Variants in PTMS observed in about 807,000 individuals in gnomAD.
The protein encoded by PTMS is parathymosin.
In PTMS, 5 loss-of-function variants were observed where a neutral mutation model predicts 18.4. The observed-to-expected ratio is 0.27, with a 90% CI of 0.14 to 0.57. The LOEUF (loss-of-function observed/expected upper bound fraction) is 0.57, where lower values mean the gene tolerates loss of function less well. Ranked by LOEUF, PTMS falls within the 20% of genes least tolerant of loss-of-function variation. The probability of loss-of-function intolerance (pLI) is 0.92; values close to 1 mark genes in which losing one functional copy is unlikely to be tolerated. For missense variants in PTMS, 93 were observed against 124.6 expected, an observed-to-expected ratio of 0.75 and a Z score of 1.21; for synonymous variants, 53 against 47.7, an observed-to-expected ratio of 1.11 and a Z score of -0.46.
At position 6,766,770 on chromosome 12, in the gene PTMS, C is replaced by T; in HGVS notation, c.45+20C>T. 9.4e-6 allele frequency: 10 copies of T among 1,062,514 alleles called. No individual in the cohort carries two copies. The highest frequency in any genetic ancestry group is 5.5e-5 in the Admixed American group (1 of 18,298). The allele number at this position is 1,062,514 out of a possible 1,614,324, so 65.8% of individuals were successfully genotyped here. A position where few individuals can be genotyped will look rare whatever the true frequency, so the allele number is the denominator to read the frequency against. ...GCCAAGGTACGGGCGGGGGCGGCGG[C>T]GGCCCGGACCTCGCGCAGCCCTGGG... On this transcript the variant is annotated intron_variant, in intron 1 of 4. Coordinates refer to ENST00000309083, the MANE Select transcript of PTMS (RefSeq NM_002824.6).
rs1001644715 is a variant in PTMS, at chr12:6,769,798, T to C, written c.118-123T>C. The C allele has an allele frequency of 3.1e-6, 5 of 1,601,714 alleles. No individual in the cohort carries two copies. The African/African-American group carries it at 5.4e-5, about 17-fold the overall frequency. ...GCCGTTCCCCTGAGCCCTGTCACCC[T>C]TGCTGCCCCACCCTGTGGCCCATCC... On this transcript the variant is annotated intron_variant, in intron 2 of 4. Coordinates refer to ENST00000309083, the MANE Select transcript of PTMS (RefSeq NM_002824.6).
intron 1 of PTMS, chr12:6,769,243 G>A (rs929977439): frequency 7.1e-6 from 2 of 283,414 alleles, no homozygotes; most frequent in Non-Finnish European, 1.3e-5. Context: ...GGACACAGGA[G>A]GGGGCGGGGC....
At chr12:6,768,457 G>C (rs1303480343) in intron 1 of PTMS, among the ~76,000 whole-genome samples, 1 of 152,162 alleles carries the variant, frequency 6.6e-6, no homozygotes, top group Non-Finnish European at 1.5e-5. Context: ...GTGCCCCCCA[G>C]GGCAGCCGTT....
chr12:6,770,480 G>A lies in PTMS; in HGVS notation c.*38G>A. Reference sequence around the variant, plus strand: ...AGGCTGGGGTTGGGAGGCCTCTCTGGGCCTGGAGGTGGGGGTGGGGGCAGC... The same window carrying A: ...AGGCTGGGGTTGGGAGGCCTCTCTGAGCCTGGAGGTGGGGGTGGGGGCAGC... On this transcript the variant is annotated 3_prime_UTR_variant, in exon 5 of 5. Coordinates refer to ENST00000309083, the MANE Select transcript of PTMS (RefSeq NM_002824.6). This position sits in a 1 kb window ranked among gnomAD's most constrained non-coding sequence, Gnocchi z 7.3. 2 of 1,605,196 alleles carry A rather than the reference G, an allele frequency of 1.2e-6. No homozygotes were observed. The highest frequency in any genetic ancestry group is 1.7e-6 in the Non-Finnish European group (2 of 1,172,424).
intron 1 of PTMS, among the ~76,000 whole-genome samples, chr12:6,768,511 G>A (rs572767745): frequency 6.6e-6 from 1 of 152,216 alleles, no homozygotes; most frequent in South Asian, 2.1e-4. Context: ...TTCCAGAAAG[G>A]ACCCCCCCGC....
In PTMS at chr12:6,770,855, CG is replaced by C; in HGVS notation, c.*417del. The C allele has an allele frequency of 5.5e-6, 1 of 181,734 alleles. No individual in the cohort carries two copies. Among genetic ancestry groups the C allele is most frequent in the Non-Finnish European group, 1.2e-5 (1 of 85,580 alleles). 11.3% of individuals were successfully genotyped at this position (181,734 alleles called of 1,614,324 possible). ...CCCCTCTTCTCAGACAGCGCCAGGC[CG>C]GGGTGGGGCCGGGGTTGGGGCCGAG... On this transcript the variant is annotated 3_prime_UTR_variant, in exon 5 of 5. Coordinates refer to ENST00000309083, the MANE Select transcript of PTMS (RefSeq NM_002824.6). The surrounding 1 kb of genome is among the most constrained non-coding windows in gnomAD (Gnocchi z 7.3).
Position 6,770,095 on chromosome 12 carries a change from G to T in PTMS, c.197-62G>T. 1 of 1,611,260 alleles carries T rather than the reference G, an allele frequency of 6.2e-7. No individual in the cohort carries two copies. Among genetic ancestry groups the T allele is most frequent in the South Asian group, 1.1e-5 (1 of 90,630 alleles). On this transcript the variant is annotated intron_variant, in intron 3 of 4. Coordinates refer to ENST00000309083, the MANE Select transcript of PTMS (RefSeq NM_002824.6). This position sits in a 1 kb window ranked among gnomAD's most constrained non-coding sequence, Gnocchi z 7.3. ...GAAGACCTGAAGCAGGGCTGAGGGC[G>T]ACCACGGGGGCTCTGCCAGAGCTTC... is the stretch of plus-strand genomic sequence containing the variant.
In PTMS at chr12:6,770,400, G is replaced by A. The variant is rs772087702; in HGVS notation, c.267G>A (p.Ala89=). 7 of 1,613,562 alleles carry A rather than the reference G, an allele frequency of 4.3e-6. No individual in the cohort carries two copies. Among genetic ancestry groups the A allele is most frequent in the African/African-American group, 1.3e-5 (1 of 74,758 alleles). The change falls in exon 5 of 5, where the codon GCG becomes GCA. Residue 89 remains alanine, a synonymous_variant. Transcript: ENST00000309083. This position sits in a 1 kb window ranked among gnomAD's most constrained non-coding sequence, Gnocchi z 7.3. ...LKRAAEEEDE[A]DPKRQKTENG... ...TCTCTCCCTCTCCACAGGATGAAGC[G>A]GATCCCAAACGGCAGAAGACAGAAA... is the stretch of plus-strand genomic sequence containing the variant.
Position 6,766,600 on chromosome 12 carries a change from C to A in PTMS, c.-106C>A. 1 of 617,024 alleles carries A rather than the reference C, an allele frequency of 1.6e-6. No individual in the cohort carries two copies. Among genetic ancestry groups the A allele is most frequent in the Non-Finnish European group, 2.1e-6 (1 of 465,750 alleles). 38.2% of individuals were successfully genotyped at this position (617,024 alleles called of 1,614,324 possible). On this transcript the variant is annotated 5_prime_UTR_variant, in exon 1 of 5. Transcript: ENST00000309083. Reference sequence around the variant, plus strand: ...GCTGCCGCTGTCGCCGCCGCCGCCGCCACCGCGCCAGGTTCCGGCCGCGGC... The same window carrying A: ...GCTGCCGCTGTCGCCGCCGCCGCCGACACCGCGCCAGGTTCCGGCCGCGGC...
rs887555588 is a variant in PTMS at position 6,766,381 on chromosome 12, G to C, written c.-325G>C. 32 of 156,236 alleles carry C rather than the reference G, an allele frequency of 2.0e-4. No homozygotes were observed. Among genetic ancestry groups the C allele is most frequent in the Non-Finnish European group, 4.4e-4 (31 of 70,748 alleles). 9.7% of individuals were successfully genotyped at this position (156,236 alleles called of 1,614,324 possible). ...GGGCGGCAGCGGCTGGTCGGCGGCA[G>C]CTCTGCTGGTGCGGGGGCGGCGAGC... On this transcript the variant is annotated 5_prime_UTR_variant, in exon 1 of 5. Coordinates refer to ENST00000309083, the MANE Select transcript of PTMS (RefSeq NM_002824.6).
chr12:6,769,661 A>G lies in PTMS; in HGVS notation c.104A>G (p.Lys35Arg). The G allele has an allele frequency of 6.2e-7, 1 of 1,614,102 alleles. No individual in the cohort carries two copies. The highest frequency in any genetic ancestry group is 1.3e-5 in the African/African-American group (1 of 75,026). The change falls in exon 2 of 5, where the codon AAA (lysine) becomes AGA (arginine). Residue 35 changes from lysine to arginine, a missense_variant. Transcript: ENST00000309083. ...EEKASRKERK[K>R]EVVEEEENGA... ...AAGGCAAGCCGGAAAGAGCGAAAGA[A>G]AGAAGTGGTGGAGGTGTGGAGGGGT...
chr12:6,768,117 T>A (rs1381996214), intron 1 of PTMS, among the ~76,000 whole-genome samples: 1 of 152,180 alleles, frequency 6.6e-6, no homozygotes, highest in Non-Finnish European at 1.5e-5. Flanking sequence ...AAAGGGATCA[T>A]GGAAGGACAG....
chr12:6,768,195 C>T (rs987066373), intron 1 of PTMS, among the ~76,000 whole-genome samples: 1 of 152,250 alleles, frequency 6.6e-6, no homozygotes, highest in Non-Finnish European at 1.5e-5. Flanking sequence ...GGTATTCTCC[C>T]TCCCTGCATC....
chr12:6,767,641 G>A (rs1316468280), intron 1 of PTMS, among the ~76,000 whole-genome samples: 1 of 131,024 alleles, frequency 7.6e-6, no homozygotes, highest in East Asian at 2.4e-4. Context: ...CGTCACACAG[G>A]TCTCCCGGAG....
rs1941817487 is a variant in PTMS, at chr12:6,770,068, T to C, written c.196+69T>C. 1 of 1,596,958 alleles carries C rather than the reference T, an allele frequency of 6.3e-7. No homozygotes were observed. Among genetic ancestry groups the C allele is most frequent in the African/African-American group, 1.3e-5 (1 of 74,256 alleles). ...AAAGGAGAGCAGAGTCAGGGTGGGT[T>C]TGAAGACCTGAAGCAGGGCTGAGGG... On this transcript the variant is annotated intron_variant, in intron 3 of 4. Coordinates refer to ENST00000309083, the MANE Select transcript of PTMS (RefSeq NM_002824.6). This position sits in a 1 kb window ranked among gnomAD's most constrained non-coding sequence, Gnocchi z 7.3.
intron 1 of PTMS, chr12:6,767,344 G>A (rs1198379982): frequency 6.6e-6 from 1 of 152,040 alleles, no homozygotes; most frequent in African/African-American, 2.4e-5. Context: ...CACACTGAAA[G>A]AATCTCGAAT....
intron 1 of PTMS, among the ~76,000 whole-genome samples, chr12:6,768,827 C>G (rs978020426): frequency 1.3e-5 from 2 of 152,106 alleles, no homozygotes; most frequent in African/African-American, 4.8e-5. Flanking sequence ...CCTATCCCAC[C>G]CCAGTCACAG....
chr12:6,769,869 TG>T, intron 2 of PTMS, 51 bp from the exon 3 acceptor site: 1 of 1,594,306 alleles, frequency 6.3e-7, no homozygotes, highest in Non-Finnish European at 8.5e-7. Flanking sequence ...GTGGTGATGG[TG>T]GGCAAGGCAT....
chr12:6,766,789 C>T (rs1337053503), intron 1 of PTMS, 39 bp downstream of exon 1: 2 of 1,047,132 alleles, frequency 1.9e-6, no homozygotes, highest in Non-Finnish European at 2.3e-6. Context: ...CCTCGCGCAG[C>T]CCTGGGGCCC....
Sources: gnomAD v4.1 joint callset for allele counts (sites outside exome capture counted in the v4.1 genomes callset) on GRCh38, gnomAD v4.1.1 for gene constraint, Gnocchi (gnomAD v3.1) non-coding constraint, MANE v1.5 for transcripts, NCBI Gene and HGNC (gene_info 2026-07-23, HGNC 2026-07-21) for gene names.